The following TJP1 variants were observed in gnomAD, a reference collection of about 807,000 sequenced individuals.
TJP1 encodes the protein tight junction protein 1, also known as tight junction protein ZO-1.
Under a neutral mutation model 194.2 loss-of-function variants are expected in TJP1, and 43 were observed. The ratio of observed to expected loss-of-function variants is 0.22; its 90% CI spans 0.17 to 0.29. The LOEUF (loss-of-function observed/expected upper bound fraction) is 0.29. TJP1 is among the 10% of genes least tolerant of loss of function. The pLI is 1.00. For synonymous variants in TJP1, 801 were observed against 779.0 expected (o/e 1.03, Z -0.47); for missense variants, 1,971 against 2,185.7 (o/e 0.90, Z 1.96).
chr15:29,824,430 C>A (rs553989072), upstream of TJP1, among the ~76,000 whole-genome samples: 15 of 143,830 alleles, frequency 1.0e-4, 1 homozygote, highest in South Asian at 2.1e-3. Flanking sequence ...GCAACAAGAG[C>A]GAAACTCCGT....
intron 2 of TJP1, among the ~76,000 whole-genome samples, chr15:29,833,454 C>A (rs538348795): frequency 7.9e-5 from 12 of 152,016 alleles, no homozygotes; most frequent in Non-Finnish European, 1.8e-4. Flanking sequence ...AGTGCAGTGG[C>A]ATAGTCTCAG....
intron 2 of TJP1, among the ~76,000 whole-genome samples, chr15:29,920,537 G>A (rs898958361): frequency 8.5e-5 from 13 of 152,228 alleles, no homozygotes; most frequent in African/African-American, 2.4e-4. Flanking sequence ...CTAGTTCCCC[G>A]CCAGAATATG....
chr15:29,782,796 T>A (rs2047445270), intron 2 of TJP1, among the ~76,000 whole-genome samples: 1 of 147,736 alleles, frequency 6.8e-6, no homozygotes, highest in Admixed American at 6.9e-5. Context: ...AAACTATGCA[T>A]CTGACAAAGG....
At chr15:29,908,990 C>G (rs1438680849) in intron 2 of TJP1, among the ~76,000 whole-genome samples, 2 of 151,408 alleles carry the variant, frequency 1.3e-5, no homozygotes, top group African/African-American at 4.9e-5. Flanking sequence ...CCGTCTCTAC[C>G]AAAAATACAA....
chr15:29,768,468 C>T (rs1459081453), intron 4 of TJP1, among the ~76,000 whole-genome samples: 8 of 152,146 alleles, frequency 5.3e-5, no homozygotes, highest in African/African-American at 1.9e-4. Flanking sequence ...TAGTAATAAA[C>T]AAAAACAAAG....
chr15:29,799,090 G>A (rs2048606863), intron 2 of TJP1, among the ~76,000 whole-genome samples: 1 of 152,118 alleles, frequency 6.6e-6, no homozygotes. Flanking sequence ...GACTGTATAT[G>A]CTTGTCAAAA....
At chr15:29,711,029 C>T in intron 23 of TJP1, 29 bp from the exon 24 acceptor site, 2 of 1,540,094 alleles carry the variant, frequency 1.3e-6, no homozygotes, top group African/African-American at 2.8e-5. Context: ...AATGCCAACA[C>T]CTGAAAATGG....
rs191328109 is a variant in TJP1 at position 29,881,754 on chromosome 15, G to A, written c.306+74478C>T. Reference sequence around the variant, plus strand: ...TTACCAGTAATTCCATATACTCACCGACAAGGAGCTTTAAAAAGTGCTTCT... The same window carrying A: ...TTACCAGTAATTCCATATACTCACCAACAAGGAGCTTTAAAAAGTGCTTCT... On this transcript the variant is annotated intron_variant, in intron 2 of 28. Coordinates refer to the TJP1 transcript ENST00000356107. 1.4e-3 allele frequency among the ~76,000 whole-genome samples: 219 copies of A among 152,022 alleles called. 2 individuals are homozygous for A. The highest frequency in any genetic ancestry group is 1.3e-3 in the Non-Finnish European group (89 of 67,974).
intron 2 of TJP1, among the ~76,000 whole-genome samples, chr15:29,872,474 T>C (rs146790059): frequency 6.6e-6 from 1 of 152,302 alleles, no homozygotes; most frequent in African/African-American, 2.4e-5. Context: ...CAATAGACCA[T>C]GTTCCACGGA....
At chr15:29,896,079 C>T (rs1307850054) in intron 2 of TJP1, among the ~76,000 whole-genome samples, 1 of 152,166 alleles carries the variant, frequency 6.6e-6, no homozygotes, top group Non-Finnish European at 1.5e-5. Context: ...TCTCCTAACA[C>T]CATCAGTTTA....
At chr15:29,746,088 CTT>C (rs2044751588) in intron 8 of TJP1, among the ~76,000 whole-genome samples, 1 of 152,110 alleles carries the variant, frequency 6.6e-6, no homozygotes, top group African/African-American at 2.4e-5. Context: ...GACATGAAAA[CTT>C]TAAAACGGCT....
chr15:29,767,050 TTGGAGC>T (rs2046373000), intron 4 of TJP1, among the ~76,000 whole-genome samples: 1 of 152,218 alleles, frequency 6.6e-6, no homozygotes, highest in African/African-American at 2.4e-5. Flanking sequence ...CAATAATATG[TTGGAGC>T]TAATTAACTC....
At chr15:29,948,665 G>A (rs1411172831) in intron 2 of TJP1, among the ~76,000 whole-genome samples, 4 of 152,138 alleles carry the variant, frequency 2.6e-5, no homozygotes, top group African/African-American at 9.7e-5. Context: ...CCTACGCAGA[G>A]GAGGGGAGAT....
At chr15:29,926,901 T>G (rs1285504381) in intron 2 of TJP1, among the ~76,000 whole-genome samples, 4 of 152,160 alleles carry the variant, frequency 2.6e-5, no homozygotes, top group African/African-American at 7.2e-5. Context: ...GAAAAACTCT[T>G]GCCTGAAAAA....
chr15:29,767,746 C>G (rs1000273932), intron 4 of TJP1, among the ~76,000 whole-genome samples: 2 of 152,132 alleles, frequency 1.3e-5, no homozygotes, highest in Non-Finnish European at 2.9e-5. Flanking sequence ...TTTACTCCCC[C>G]TCCCCTCCTA....
At position 29,822,181 on chromosome 15, in the gene TJP1, G is replaced by A. The variant is rs1009969339; in HGVS notation, c.-153C>T. 1.5e-5 allele frequency: 18 copies of A among 1,181,264 alleles called. No individual in the cohort carries two copies. Among genetic ancestry groups the A allele is most frequent in the East Asian group, 3.5e-5 (1 of 28,470 alleles). 73.2% of individuals were successfully genotyped at this position (1,181,264 alleles called of 1,614,324 possible). On this transcript the variant is annotated 5_prime_UTR_variant, in exon 1 of 28. Transcript: ENST00000614355. ...CCGGAAGGGCCCGGCCCAGGGGGAG[G>A]GAATTCAACTCGGACAAAAGTCCGG...
intron 1 of TJP1, among the ~76,000 whole-genome samples, chr15:29,816,451 A>C (rs2151976372): frequency 6.6e-6 from 1 of 152,346 alleles, no homozygotes; most frequent in Middle Eastern, 3.4e-3. Flanking sequence ...TGTAAAATGT[A>C]GTTAGGATTA....
intron 2 of TJP1, among the ~76,000 whole-genome samples, chr15:29,929,768 G>A (rs974054638): frequency 7.9e-5 from 12 of 151,760 alleles, no homozygotes; most frequent in African/African-American, 2.9e-4. Flanking sequence ...AAGAGTATAA[G>A]ATAACAGGGG....
At chr15:29,893,691 T>C (rs1366121958) in intron 2 of TJP1, among the ~76,000 whole-genome samples, 2 of 145,020 alleles carry the variant, frequency 1.4e-5, no homozygotes, top group Admixed American at 1.4e-4. Context: ...TTAAGGTATA[T>C]ATATTGTTTT....
Sources: allele counts gnomAD v4.1 joint callset (sites outside exome capture counted in the v4.1 genomes callset), GRCh38; gene constraint gnomAD v4.1.1; transcripts MANE v1.5; gene names NCBI Gene and HGNC (gene_info 2026-07-23, HGNC 2026-07-21).